AKR1C8: variants seen among roughly 807,000 people sequenced by gnomAD.
AKR1C8 encodes the protein aldo-keto reductase family 1 member C-like protein 1.
the AKR1C8 span, among the ~76,000 whole-genome samples, chr10:5,121,776 G>A: frequency 2.0e-5 from 3 of 152,098 alleles, no homozygotes; most frequent in Admixed American, 1.3e-4. Flanking sequence ...CATAAATTAA[G>A]ACAGCCCTGT....
the AKR1C8 span, among the ~76,000 whole-genome samples, chr10:5,137,611 G>A: frequency 6.6e-6 from 1 of 152,082 alleles, no homozygotes; most frequent in African/African-American, 2.4e-5. Flanking sequence ...CAAACCCACA[G>A]CCAATATCAT....
the AKR1C8 span, among the ~76,000 whole-genome samples, chr10:5,118,735 T>C: frequency 2.0e-5 from 3 of 152,174 alleles, no homozygotes; most frequent in Admixed American, 6.5e-5. Context: ...GTTGGTTCTC[T>C]TATTAATCTG....
chr10:5,125,187 G>A, the AKR1C8 span, among the ~76,000 whole-genome samples: 1 of 151,478 alleles, frequency 6.6e-6, no homozygotes, highest in Admixed American at 6.6e-5. Context: ...TATATTATAT[G>A]GTATCATTAA....
chr10:5,142,587 G>A, the AKR1C8 span, among the ~76,000 whole-genome samples: 5,036 of 152,102 alleles, frequency 0.033, 279 homozygotes, highest in African/African-American at 0.12. Context: ...TTTTAACATC[G>A]TTATGTCTTA....
At chr10:5,144,633 G>A in the AKR1C8 span, among the ~76,000 whole-genome samples, 1 of 152,024 alleles carries the variant, frequency 6.6e-6, no homozygotes, top group Non-Finnish European at 1.5e-5. Context: ...TCTCTTTGAA[G>A]CAATTGTGAA....
chr10:5,182,652 G>A, the AKR1C8 span, among the ~76,000 whole-genome samples: 1 of 152,238 alleles, frequency 6.6e-6, no homozygotes, highest in South Asian at 2.1e-4. Context: ...GCTTATGCCT[G>A]TAATCCTAGC....
the AKR1C8 span, among the ~76,000 whole-genome samples, chr10:5,141,067 C>T: frequency 6.6e-6 from 1 of 152,168 alleles, no homozygotes; most frequent in East Asian, 1.9e-4. Flanking sequence ...AGTCAATTCT[C>T]TGTAACCCAG....
At chr10:5,159,577 CCA>C in the AKR1C8 span, among the ~76,000 whole-genome samples, 3 of 152,074 alleles carry the variant, frequency 2.0e-5, no homozygotes, top group Non-Finnish European at 4.4e-5. Flanking sequence ...AGTTTAGTTA[CCA>C]TCCATAAAGC....
At chr10:5,166,045 AC>A in the AKR1C8 span, among the ~76,000 whole-genome samples, 4 of 152,028 alleles carry the variant, frequency 2.6e-5, no homozygotes, top group Admixed American at 6.6e-5. Flanking sequence ...CTTTCTCTCC[AC>A]CCTGGGTCAC....
chr10:5,171,133 G>T, the AKR1C8 span, among the ~76,000 whole-genome samples: 1 of 152,028 alleles, frequency 6.6e-6, no homozygotes, highest in African/African-American at 2.4e-5. Flanking sequence ...TAAAAGTCCT[G>T]AACATTTTTC....
chr10:5,134,846 G>A, the AKR1C8 span, among the ~76,000 whole-genome samples: 1 of 152,136 alleles, frequency 6.6e-6, no homozygotes, highest in East Asian at 1.9e-4. Context: ...GAAATGCCAG[G>A]CAGCGTTCTT....
At chr10:5,154,385 A>T in the AKR1C8 span, 1 of 238,906 alleles carries the variant, frequency 4.2e-6, no homozygotes, top group African/African-American at 2.3e-5. Context: ...GACTTATTTA[A>T]ATATAATCAT....
the AKR1C8 span, among the ~76,000 whole-genome samples, chr10:5,181,282 T>G: frequency 2.8e-4 from 42 of 152,214 alleles, no homozygotes; most frequent in African/African-American, 9.6e-4. Context: ...GGATTGACAT[T>G]AATAAAAAAC....
the AKR1C8 span, among the ~76,000 whole-genome samples, chr10:5,140,667 G>T: frequency 6.6e-6 from 1 of 151,760 alleles, no homozygotes; most frequent in African/African-American, 2.4e-5. Context: ...GGTTGGGGGA[G>T]GGATAGCATT....
the AKR1C8 span, among the ~76,000 whole-genome samples, chr10:5,178,331 T>TGTG: frequency 6.6e-6 from 1 of 152,240 alleles, no homozygotes; most frequent in East Asian, 1.9e-4. Flanking sequence ...TTGATTGCAC[T>TGTG]GTGGTCTGAG....
At chr10:5,171,200 T>A in the AKR1C8 span, among the ~76,000 whole-genome samples, 1 of 152,082 alleles carries the variant, frequency 6.6e-6, no homozygotes, top group Non-Finnish European at 1.5e-5. Context: ...TAAGAGTACC[T>A]GTTAGAGCTT....
At chr10:5,144,337 G>C in the AKR1C8 span, among the ~76,000 whole-genome samples, 2 of 152,254 alleles carry the variant, frequency 1.3e-5, no homozygotes, top group East Asian at 1.9e-4. Flanking sequence ...TTTTGGCTTA[G>C]GATTGACTTG....
chr10:5,178,170 G>A, the AKR1C8 span, among the ~76,000 whole-genome samples: 2 of 152,118 alleles, frequency 1.3e-5, no homozygotes, highest in African/African-American at 2.4e-5. Flanking sequence ...AGAGATTCTG[G>A]TATGTTGTGT....
At chr10:5,121,983 A>G in the AKR1C8 span, 1 of 223,562 alleles carries the variant, frequency 4.5e-6, no homozygotes, top group Non-Finnish European at 9.2e-6. Context: ...GTTTCACCCC[A>G]TGCCTGAATT....
Sources: gnomAD v4.1 joint callset for allele counts (sites outside exome capture counted in the v4.1 genomes callset) on GRCh38, gnomAD v4.1.1 for gene constraint, MANE v1.5 for transcripts, NCBI Gene and HGNC (gene_info 2026-07-23, HGNC 2026-07-21) for gene names.